The following NKAIN1 variants were observed in gnomAD, a reference collection of about 807,000 sequenced individuals.
NKAIN1 encodes the protein sodium/potassium transporting ATPase interacting 1, also known as sodium/potassium-transporting ATPase subunit beta-1-interacting protein 1.
In NKAIN1, 13 loss-of-function variants were observed where a neutral mutation model predicts 31.6. That is an observed-to-expected ratio of 0.41 (90% CI 0.27 to 0.65). The LOEUF is 0.65. Among genes scored for constraint, NKAIN1 ranks in the 30% least tolerant of loss-of-function variants. NKAIN1 has a pLI of 0.30. For missense variants in NKAIN1, 193 were observed against 262.2 expected, an observed-to-expected ratio of 0.74 and a Z score of 1.82; for synonymous variants, 104 against 109.0, an observed-to-expected ratio of 0.95 and a Z score of 0.28.
chr1:31,213,452 C>A (rs1391779106), intron 1 of NKAIN1, among the ~76,000 whole-genome samples: 1 of 152,076 alleles, frequency 6.6e-6, no homozygotes, highest in African/African-American at 2.4e-5. Flanking sequence ...TGCAGAGAAA[C>A]TGGAACTCTC....
intron 1 of NKAIN1, among the ~76,000 whole-genome samples, chr1:31,234,415 T>C (rs1645679997): frequency 1.3e-5 from 2 of 152,026 alleles, no homozygotes; most frequent in Admixed American, 1.3e-4. Context: ...TTCACACCAT[T>C]ACTCGCAGCT....
chr1:31,182,005 C>T (rs1645205723), intron 5 of NKAIN1, 64 bp from the exon 6 acceptor site: 5 of 1,485,880 alleles, frequency 3.4e-6, no homozygotes, highest in Non-Finnish European at 3.7e-6. Context: ...GAGACTGGGT[C>T]CTGAAGGGGA....
intron 1 of NKAIN1, among the ~76,000 whole-genome samples, chr1:31,216,479 G>A (rs1358044844): frequency 6.6e-6 from 1 of 152,068 alleles, no homozygotes; most frequent in Non-Finnish European, 1.5e-5. Flanking sequence ...GGTCAAGCCC[G>A]CTTTGCATAT....
intron 1 of NKAIN1, among the ~76,000 whole-genome samples, chr1:31,200,445 A>G (rs1250908077): frequency 1.3e-5 from 2 of 149,006 alleles, no homozygotes; most frequent in Non-Finnish European, 3.0e-5. Context: ...GTTGGACCAG[A>G]AGTCTCCTCT....
At chr1:31,215,496 G>A (rs1645504317) in intron 1 of NKAIN1, among the ~76,000 whole-genome samples, 1 of 152,198 alleles carries the variant, frequency 6.6e-6, no homozygotes, top group Non-Finnish European at 1.5e-5. Flanking sequence ...GGCTCAGACA[G>A]GTGTAGGGGG....
rs189264287 is a variant in NKAIN1, at chr1:31,213,474, G to T, written c.55-25287C>A. 3.3e-5 allele frequency among the ~76,000 whole-genome samples: 5 copies of T among 152,292 alleles called. No individual in the cohort carries two copies. The East Asian group carries it at 7.7e-4, about 24-fold the overall frequency. On this transcript the variant is annotated intron_variant, in intron 1 of 6. Coordinates refer to ENST00000373736, the MANE Select transcript of NKAIN1 (RefSeq NM_024522.3). ...AAACTGGAACTCTCATGTGTTGCTG[G>T]TGGAAATGTAAAATGGTGCGACTGC...
At chr1:31,225,264 G>T (rs1420566504) in intron 1 of NKAIN1, among the ~76,000 whole-genome samples, 8 of 145,436 alleles carry the variant, frequency 5.5e-5, no homozygotes, top group Non-Finnish European at 8.9e-5. Flanking sequence ...CTGATCTCAT[G>T]ATCTGCCCGC....
intron 1 of NKAIN1, among the ~76,000 whole-genome samples, chr1:31,212,405 T>TC (rs200935055): frequency 0.15 from 11,877 of 80,272 alleles, 662 homozygotes; most frequent in Admixed American, 0.29. Context: ...ATAGTTTCTT[T>TC]TTTTTTTTTT....
intron 1 of NKAIN1, among the ~76,000 whole-genome samples, chr1:31,224,672 C>T (rs191831913): frequency 7.0e-4 from 106 of 152,362 alleles, no homozygotes; most frequent in African/African-American, 2.5e-3. Context: ...GATCATGAAG[C>T]GTAAGTGCCC....
At position 31,233,490 on chromosome 1, in the gene NKAIN1, T is replaced by C. The variant is rs938508679; in HGVS notation, c.54+6004A>G. 6.6e-6 allele frequency among the ~76,000 whole-genome samples: 1 copy of C among 152,174 alleles called. No individual in the cohort carries two copies. The highest frequency in any genetic ancestry group is 1.5e-5 in the Non-Finnish European group (1 of 68,030). Reference sequence around the variant, plus strand: ...AGTTTGAATACTCATTCTGCACCTATCATTTATGTGGCCATGGATAAGCCA... The same window carrying C: ...AGTTTGAATACTCATTCTGCACCTACCATTTATGTGGCCATGGATAAGCCA... On this transcript the variant is annotated intron_variant, in intron 1 of 6. Transcript: ENST00000373736. The surrounding 1 kb of genome is among the most constrained non-coding windows in gnomAD (Gnocchi z 4.0).
At chr1:31,224,953 T>C (rs1645591454) in intron 1 of NKAIN1, among the ~76,000 whole-genome samples, 2 of 151,994 alleles carry the variant, frequency 1.3e-5, no homozygotes, top group South Asian at 4.1e-4. Context: ...ACACTGCACA[T>C]GGAGATTTGT....
chr1:31,234,064 C>T (rs1409371063), intron 1 of NKAIN1, among the ~76,000 whole-genome samples: 2 of 152,340 alleles, frequency 1.3e-5, no homozygotes, highest in South Asian at 4.1e-4. Context: ...CCCCTGGAGG[C>T]CTTCTTCTCC....
chr1:31,199,341 C>A (rs1311396664), intron 1 of NKAIN1, among the ~76,000 whole-genome samples: 1 of 152,214 alleles, frequency 6.6e-6, no homozygotes, highest in Non-Finnish European at 1.5e-5. Context: ...GCCCATAAAG[C>A]TCGCAGCCAG....
chr1:31,183,431 T>A (rs1348787463), intron 4 of NKAIN1, among the ~76,000 whole-genome samples: 1 of 128,092 alleles, frequency 7.8e-6, no homozygotes, highest in African/African-American at 2.9e-5. Context: ...CTAGGTTCAT[T>A]CCCTCTTTTT....
chr1:31,229,896 G>C (rs551145008), intron 1 of NKAIN1, among the ~76,000 whole-genome samples: 71 of 152,306 alleles, frequency 4.7e-4, no homozygotes, highest in African/African-American at 1.6e-3. Context: ...CAGAGCAAGA[G>C]AGAGGCCCAA....
chr1:31,226,414 A>G (rs1458961910), intron 1 of NKAIN1, among the ~76,000 whole-genome samples: 1 of 152,158 alleles, frequency 6.6e-6, no homozygotes, highest in East Asian at 1.9e-4. Flanking sequence ...TCAAGATCAA[A>G]GTGAAGTGCT....
chr1:31,198,894 G>A (rs999653033), intron 1 of NKAIN1, among the ~76,000 whole-genome samples: 2 of 152,208 alleles, frequency 1.3e-5, no homozygotes, highest in Admixed American at 6.5e-5. Flanking sequence ...AGGGACAAGG[G>A]CTGAATAATG....
At chr1:31,211,942 A>AAAAAC (rs146235053) in intron 1 of NKAIN1, among the ~76,000 whole-genome samples, 41 of 151,884 alleles carry the variant, frequency 2.7e-4, no homozygotes, top group Middle Eastern at 3.4e-3. Context: ...ACTCTGTCTC[A>AAAAAC]AAAACAAAAC....
At chr1:31,198,080 T>C (rs978295916) in intron 1 of NKAIN1, among the ~76,000 whole-genome samples, 5 of 152,206 alleles carry the variant, frequency 3.3e-5, no homozygotes, top group African/African-American at 9.7e-5. Context: ...TCTCCTGCAG[T>C]GGATGGCAAG....
Sources: allele counts gnomAD v4.1 joint callset (sites outside exome capture counted in the v4.1 genomes callset), GRCh38; gene constraint gnomAD v4.1.1; non-coding constraint Gnocchi (gnomAD v3.1); transcripts MANE v1.5; gene names NCBI Gene and HGNC (gene_info 2026-07-23, HGNC 2026-07-21).